The following MCF2L2 variants were observed in gnomAD, a reference collection of about 807,000 sequenced individuals.
The protein encoded by MCF2L2 is MCF.2 cell line derived transforming sequence-like 2.
MCF2L2 carries 102 observed loss-of-function variants against 150.2 expected under a neutral mutation model. The ratio of observed to expected loss-of-function variants is 0.68; its 90% CI spans 0.58 to 0.80. The LOEUF (loss-of-function observed/expected upper bound fraction) is 0.80. Among genes scored for constraint, MCF2L2 ranks in the 30% least tolerant of loss-of-function variants. The pLI, the probability that MCF2L2 is intolerant of heterozygous loss-of-function variation, is 0.00. For missense variants in MCF2L2, 1,256 were observed against 1,372.8 expected (o/e 0.91, Z 1.34); for synonymous variants, 465 against 491.3 (o/e 0.95, Z 0.71).
rs193110924 is a variant in MCF2L2 at position 183,395,610 on chromosome 3, T to A, written c.77-5831A>T. Among the ~76,000 whole-genome samples, 571 of 152,180 alleles carry A rather than the reference T, an allele frequency of 3.8e-3. 1 individual carries two copies. Among genetic ancestry groups the A allele is most frequent in the Middle Eastern group, 0.027 (8 of 294 alleles). ...TGACAAATATACACTGATGTAACCA[T>A]CAAACAGATCAAGAAATGGAATATT... is the stretch of plus-strand genomic sequence containing the variant. On this transcript the variant is annotated intron_variant, in intron 1 of 29. Coordinates refer to ENST00000328913, the MANE Select transcript of MCF2L2 (RefSeq NM_015078.4).
At chr3:183,211,980 G>A (rs1560344651) in intron 22 of MCF2L2, among the ~76,000 whole-genome samples, 1 of 152,124 alleles carries the variant, frequency 6.6e-6, no homozygotes, top group African/African-American at 2.4e-5. Flanking sequence ...GGGTTGCCCT[G>A]GGTTAGGATG....
chr3:183,412,107 C>T (rs1378552354), intron 1 of MCF2L2, among the ~76,000 whole-genome samples: 1 of 152,122 alleles, frequency 6.6e-6, no homozygotes, highest in Non-Finnish European at 1.5e-5. Context: ...AGATAAACTA[C>T]AAAATCATAA....
chr3:183,257,636 C>T (rs958899900), intron 15 of MCF2L2, among the ~76,000 whole-genome samples: 3 of 152,152 alleles, frequency 2.0e-5, no homozygotes, highest in Non-Finnish European at 4.4e-5. Context: ...TTTTGTACCT[C>T]TGTGTTATAA....
intron 14 of MCF2L2, chr3:183,287,745 A>C (rs1367538701): frequency 6.6e-6 from 1 of 152,174 alleles, no homozygotes; most frequent in Non-Finnish European, 1.5e-5. Context: ...TGACTAAACA[A>C]ATTGGCAAAC....
intron 22 of MCF2L2, 96 bp from the exon 23 acceptor site, chr3:183,207,919 T>C: frequency 1.1e-6 from 1 of 901,700 alleles, no homozygotes; most frequent in Non-Finnish European, 1.7e-6. Context: ...AAAGCATGCT[T>C]CTTTGAGGTT....
chr3:183,341,571 C>G lies in MCF2L2; in HGVS notation c.335G>C (p.Ser112Thr), dbSNP rs763286902. 1 of 1,614,016 alleles carries G rather than the reference C, an allele frequency of 6.2e-7. No homozygotes were observed. Among genetic ancestry groups the G allele is most frequent in the Admixed American group, 1.7e-5 (1 of 60,028 alleles). Reference sequence around the variant, plus strand: ...TCGTGTCAAGGATGCCTTTACGGAGCTCCACTTGTCTCTTCGTCTGTCGAT... The same window carrying G: ...TCGTGTCAAGGATGCCTTTACGGAGGTCCACTTGTCTCTTCGTCTGTCGAT... ...VVIDRRRDKW[S>T]SVKASLTRIA... The change falls in exon 4 of 30, where the codon AGC (serine) becomes ACC (threonine). Residue 112 changes from serine to threonine, a missense_variant. Coordinates refer to ENST00000328913, the MANE Select transcript of MCF2L2 (RefSeq NM_015078.4).
chr3:183,399,207 C>A (rs563649812), intron 1 of MCF2L2, among the ~76,000 whole-genome samples: 77 of 152,228 alleles, frequency 5.1e-4, no homozygotes, highest in African/African-American at 1.7e-3. Context: ...TATGCATTAT[C>A]TACTATATAA....
intron 1 of MCF2L2, among the ~76,000 whole-genome samples, chr3:183,399,019 T>A (rs1714608511): frequency 6.6e-6 from 1 of 152,212 alleles, no homozygotes; most frequent in South Asian, 2.1e-4. Flanking sequence ...GCTCTTGTAA[T>A]AATTTAATTT....
At chr3:183,404,841 C>G (rs1393993459) in intron 1 of MCF2L2, among the ~76,000 whole-genome samples, 1 of 151,658 alleles carries the variant, frequency 6.6e-6, no homozygotes, top group Non-Finnish European at 1.5e-5. Context: ...CTAGCCCAGG[C>G]GACAGTGCAA....
chr3:183,399,244 G>A (rs1714618663), intron 1 of MCF2L2, among the ~76,000 whole-genome samples: 1 of 152,104 alleles, frequency 6.6e-6, no homozygotes, highest in Non-Finnish European at 1.5e-5. Flanking sequence ...TATGAATCAT[G>A]TCTCAATCAG....
At chr3:183,333,541 C>A (rs1262875769) in intron 5 of MCF2L2, among the ~76,000 whole-genome samples, 1 of 152,124 alleles carries the variant, frequency 6.6e-6, no homozygotes, top group Non-Finnish European at 1.5e-5. Flanking sequence ...TCTTGTGTAT[C>A]CTTCTCAAGA....
intron 2 of MCF2L2, among the ~76,000 whole-genome samples, chr3:183,387,931 CAAAAAA>C (rs61024469): frequency 1.4e-5 from 1 of 72,402 alleles, no homozygotes; most frequent in Non-Finnish European, 2.5e-5. Flanking sequence ...GACTCCATCT[CAAAAAA>C]AAAAAAAAAA....
At chr3:183,233,392 A>T (rs1723650708) in intron 15 of MCF2L2, among the ~76,000 whole-genome samples, 1 of 135,210 alleles carries the variant, frequency 7.4e-6, no homozygotes, top group South Asian at 2.5e-4. Context: ...AGATATAGAT[A>T]GATATATGTG....
chr3:183,374,395 C>T (rs4859177), intron 3 of MCF2L2: 14,985 of 152,422 alleles, frequency 0.098, 942 homozygotes, highest in African/African-American at 0.17. Context: ...GTCAGCTGGG[C>T]GCAGTGGCTC....
At position 183,179,413 on chromosome 3, in the gene MCF2L2, C is replaced by A; in HGVS notation, c.3312G>T (p.Ala1104=). 1 of 1,563,120 alleles carries A rather than the reference C, an allele frequency of 6.4e-7. No homozygotes were observed. Among genetic ancestry groups the A allele is most frequent in the Non-Finnish European group, 8.7e-7 (1 of 1,153,466 alleles). ...AGATAGFQAR[A]LRPRTSAQES ...CCTGGGCGGAGGTCCTCGGGCGCAGCGCCCTCGCCTGGAAACCAGCCGTCG... is the reference window on the plus strand; with the variant it reads ...CCTGGGCGGAGGTCCTCGGGCGCAGAGCCCTCGCCTGGAAACCAGCCGTCG... The change falls in exon 30 of 30, where the codon GCG becomes GCT. Residue 1104 remains alanine, a synonymous_variant. Transcript: ENST00000328913. This position sits in a 1 kb window ranked among gnomAD's most constrained non-coding sequence, Gnocchi z 4.2.
At chr3:183,341,283 C>A (rs1169936545) in intron 4 of MCF2L2, among the ~76,000 whole-genome samples, 1 of 152,166 alleles carries the variant, frequency 6.6e-6, no homozygotes, top group Non-Finnish European at 1.5e-5. Context: ...TCCAGCACTC[C>A]CCAACTGCCC....
rs142874374 is a variant in MCF2L2 at position 183,270,618 on chromosome 3, A to G, written c.1862+6254T>C. The G allele has an allele frequency of 6.1e-5, 99 of 1,614,086 alleles. No individual in the cohort carries two copies. The African/African-American group carries it at 1.1e-3, about 19-fold the overall frequency. ...TGCCAAAGTCTATGAGGCATCACAG[A>G]CACTAAATTCAAGTCTTTACATAGA... On this transcript the variant is annotated intron_variant, in intron 15 of 29. Coordinates refer to ENST00000328913, the MANE Select transcript of MCF2L2 (RefSeq NM_015078.4). The surrounding 1 kb of genome is among the most constrained non-coding windows in gnomAD (Gnocchi z 4.5).
At chr3:183,255,992 C>G (rs1725013068) in intron 15 of MCF2L2, among the ~76,000 whole-genome samples, 1 of 152,146 alleles carries the variant, frequency 6.6e-6, no homozygotes, top group South Asian at 2.1e-4. Flanking sequence ...GCACTAGAAT[C>G]TGCATTTCAG....
intron 22 of MCF2L2, among the ~76,000 whole-genome samples, chr3:183,212,823 C>T (rs1245315262): frequency 2.0e-5 from 3 of 151,906 alleles, no homozygotes; most frequent in African/African-American, 4.8e-5. Flanking sequence ...TTGAGCAGGT[C>T]CCCATATAAC....
Sources: gnomAD v4.1 joint callset for allele counts (sites outside exome capture counted in the v4.1 genomes callset) on GRCh38, gnomAD v4.1.1 for gene constraint, Gnocchi (gnomAD v3.1) non-coding constraint, MANE v1.5 for transcripts, NCBI Gene and HGNC (gene_info 2026-07-23, HGNC 2026-07-21) for gene names.